Variants in UNC13C observed in about 807,000 individuals in gnomAD.
UNC13C encodes protein unc-13 homolog C.
A neutral mutation model predicts 245.4 loss-of-function variants in UNC13C; 174 were observed. The ratio of observed to expected loss-of-function variants is 0.71; its 90% confidence interval spans 0.63 to 0.80. The LOEUF (loss-of-function observed/expected upper bound fraction) is 0.80. Ranked by LOEUF, UNC13C falls within the 30% of genes least tolerant of loss-of-function variation. The pLI is 0.00. For synonymous variants in UNC13C, 992 were observed against 895.1 expected (o/e 1.11, Z -1.93); for missense variants, 2,829 against 2,602.9 (o/e 1.09, Z -1.89).
chr15:54,284,324 A>G (rs2037084226), intron 10 of UNC13C, among the ~76,000 whole-genome samples: 1 of 152,200 alleles, frequency 6.6e-6, no homozygotes, highest in Non-Finnish European at 1.5e-5. Flanking sequence ...CTAATGAGGA[A>G]TTAAAAAGAG....
chr15:53,873,854 CCTCT>C, the UNC13C span, among the ~76,000 whole-genome samples: 1 of 131,538 alleles, frequency 7.6e-6, no homozygotes, highest in African/African-American at 2.8e-5. Context: ...AGCATCTATC[CCTCT>C]CTCTCTCTCT....
chr15:54,603,143 C>T (rs946614917), intron 30 of UNC13C, among the ~76,000 whole-genome samples: 3 of 152,172 alleles, frequency 2.0e-5, no homozygotes, highest in Admixed American at 6.5e-5. Context: ...TACCTTGACA[C>T]CTGTCTCATG....
intron 13 of UNC13C, among the ~76,000 whole-genome samples, chr15:54,318,893 A>G (rs534893396): frequency 6.6e-6 from 1 of 152,068 alleles, no homozygotes; most frequent in South Asian, 2.1e-4. Context: ...GCCTTAAGTA[A>G]GTTATTCCTG....
rs371549780 is a variant in UNC13C at position 54,464,266 on chromosome 15, C to T, written c.4934-30342C>T. Among the ~76,000 whole-genome samples the T allele has an allele frequency of 4.6e-5, 7 of 152,176 alleles. 1 individual carries two copies. Among genetic ancestry groups the T allele is most frequent in the East Asian group, 1.9e-4 (1 of 5,184 alleles). ...TTTTCCTATATGATCATTTTTATTA[C>T]ATTTTCCATTCATGAACTTTGTCAG... is the stretch of plus-strand genomic sequence containing the variant. On this transcript the variant is annotated intron_variant, in intron 19 of 32. Coordinates refer to ENST00000260323, the MANE Select transcript of UNC13C (RefSeq NM_001080534.3).
intron 2 of UNC13C, among the ~76,000 whole-genome samples, chr15:54,132,113 C>G (rs1451886261): frequency 1.1e-5 from 1 of 88,710 alleles, no homozygotes; most frequent in Non-Finnish European, 2.1e-5. Context: ...GTCACCCAGG[C>G]TGGAGTGCAG....
At chr15:54,538,675 A>G (rs1896108713) in intron 26 of UNC13C, among the ~76,000 whole-genome samples, 1 of 152,096 alleles carries the variant, frequency 6.6e-6, no homozygotes, top group Non-Finnish European at 1.5e-5. Flanking sequence ...ATAAAAATGA[A>G]TGAGATCATG....
chr15:54,280,539 G>T (rs74015110), intron 10 of UNC13C, among the ~76,000 whole-genome samples: 1 of 150,590 alleles, frequency 6.6e-6, no homozygotes, highest in East Asian at 2.0e-4. Context: ...CATTGCAGAC[G>T]GAAATTGATA....
At chr15:54,189,074 G>C (rs2034092334) in intron 4 of UNC13C, among the ~76,000 whole-genome samples, 1 of 152,096 alleles carries the variant, frequency 6.6e-6, no homozygotes, top group Admixed American at 6.5e-5. Context: ...AGATAATTCA[G>C]AGATTTATGC....
chr15:54,624,605 T>G (rs560490226), intron 32 of UNC13C, among the ~76,000 whole-genome samples: 8 of 152,162 alleles, frequency 5.3e-5, no homozygotes, highest in Admixed American at 1.3e-4. Context: ...TTATTTTGTT[T>G]GCTGTGTACA....
chr15:54,448,372 G>A (rs988452360), intron 19 of UNC13C, among the ~76,000 whole-genome samples: 3 of 152,010 alleles, frequency 2.0e-5, no homozygotes, highest in Non-Finnish European at 4.4e-5. Context: ...TTGACTGTGG[G>A]GTGTTAAAGT....
intron 2 of UNC13C, among the ~76,000 whole-genome samples, chr15:54,031,570 A>G (rs562855547): frequency 6.6e-6 from 1 of 152,242 alleles, no homozygotes; most frequent in South Asian, 2.1e-4. Context: ...AAGTTTCTAC[A>G]TTTTGACAGG....
intron 2 of UNC13C, among the ~76,000 whole-genome samples, chr15:54,042,828 G>A (rs1030321242): frequency 6.6e-6 from 1 of 152,070 alleles, no homozygotes; most frequent in Non-Finnish European, 1.5e-5. Flanking sequence ...ACTCCAGCCT[G>A]GGTGACAGAG....
intron 2 of UNC13C, among the ~76,000 whole-genome samples, chr15:54,024,643 G>C (rs1896029803): frequency 6.6e-6 from 1 of 152,144 alleles, no homozygotes; most frequent in African/African-American, 2.4e-5. Context: ...TGAATGCCGG[G>C]CGCGGTGGCT....
intron 5 of UNC13C, among the ~76,000 whole-genome samples, chr15:54,236,039 G>T (rs28567369): frequency 0.061 from 9,161 of 150,378 alleles, 977 homozygotes; most frequent in African/African-American, 0.21. Context: ...AAATCATCGT[G>T]AAAAAGTGTC....
intron 4 of UNC13C, among the ~76,000 whole-genome samples, chr15:54,184,730 A>T (rs374332150): frequency 1.3e-5 from 2 of 152,112 alleles, no homozygotes; most frequent in Non-Finnish European, 2.9e-5. Flanking sequence ...ATAAACATAC[A>T]TGTGCATGTG....
At chr15:54,574,735 T>C (rs2141228117) in intron 30 of UNC13C, among the ~76,000 whole-genome samples, 1 of 152,344 alleles carries the variant, frequency 6.6e-6, no homozygotes, top group East Asian at 1.9e-4. Context: ...GTGTTTGTAC[T>C]CTATGATCTG....
chr15:54,335,306 T>A (rs1328023986), intron 16 of UNC13C, among the ~76,000 whole-genome samples: 1 of 152,154 alleles, frequency 6.6e-6, no homozygotes, highest in Non-Finnish European at 1.5e-5. Flanking sequence ...CCAGTTCATT[T>A]CCCTTAATAG....
chr15:54,221,074 A>T (rs548273496), intron 4 of UNC13C, among the ~76,000 whole-genome samples: 2 of 152,204 alleles, frequency 1.3e-5, no homozygotes, highest in African/African-American at 4.8e-5. Flanking sequence ...TTTAAGAAAT[A>T]AGTTAACAAT....
chr15:54,597,872 G>A, intron 30 of UNC13C, among the ~76,000 whole-genome samples: 1 of 152,152 alleles, frequency 6.6e-6, no homozygotes, highest in East Asian at 1.9e-4. Context: ...TACTCATGGA[G>A]CACAGTAATG....
Sources: gnomAD v4.1 joint callset for allele counts (sites outside exome capture counted in the v4.1 genomes callset) on GRCh38, gnomAD v4.1.1 for gene constraint, MANE v1.5 for transcripts, NCBI Gene and HGNC (gene_info 2026-07-23, HGNC 2026-07-21) for gene names.